VPS54: variants seen among roughly 807,000 people sequenced by gnomAD.
The protein encoded by VPS54 is vacuolar protein sorting-associated protein 54.
Under a neutral mutation model 121.5 loss-of-function variants are expected in VPS54, and 45 were observed. The observed-to-expected ratio is 0.37, with a 90% CI of 0.29 to 0.47. The LOEUF is 0.47. VPS54 is among the 20% of genes least tolerant of loss of function. The pLI, the probability that VPS54 is intolerant of heterozygous loss-of-function variation, is 0.99. For synonymous variants in VPS54, 371 were observed against 385.8 expected (o/e 0.96, Z 0.45); for missense variants, 1,090 against 1,131.4 (o/e 0.96, Z 0.52).
intron 6 of VPS54, among the ~76,000 whole-genome samples, chr2:63,963,912 T>C (rs1340248193): frequency 6.6e-6 from 1 of 152,146 alleles, no homozygotes; most frequent in East Asian, 1.9e-4. Context: ...AAATAAAGAA[T>C]TTTGCTAGAA....
At chr2:63,964,759 C>A (rs533081964) in intron 6 of VPS54, among the ~76,000 whole-genome samples, 6 of 152,288 alleles carry the variant, frequency 3.9e-5, no homozygotes, top group Admixed American at 3.9e-4. Flanking sequence ...AGGACTGAAC[C>A]TGATATTATT....
At chr2:63,896,227 G>A (rs900652917) in intron 22 of VPS54, among the ~76,000 whole-genome samples, 66 of 152,272 alleles carry the variant, frequency 4.3e-4, no homozygotes, top group African/African-American at 1.5e-3. Context: ...TTCTTAGGTG[G>A]GGTTCAGGTA....
chr2:63,965,811 T>A lies in VPS54; in HGVS notation c.624+24A>T, dbSNP rs752556354. 8.1e-6 allele frequency: 13 copies of A among 1,608,302 alleles called. No individual in the cohort carries two copies. The Admixed American group carries it at 1.5e-4, about 19-fold the overall frequency. On this transcript the variant is annotated intron_variant, in intron 6 of 22. Coordinates refer to ENST00000272322, the MANE Select transcript of VPS54 (RefSeq NM_016516.3). ...CGCTTAACTAGAATAGTTTCCTACA[T>A]GGAAAAAGTCAAAAAGAAATTACCT...
intron 22 of VPS54, among the ~76,000 whole-genome samples, chr2:63,897,186 A>C (rs1161989426): frequency 2.0e-5 from 3 of 152,236 alleles, no homozygotes; most frequent in African/African-American, 7.2e-5. Flanking sequence ...ACATGGTCAC[A>C]CAGTAGGACT....
intron 5 of VPS54, among the ~76,000 whole-genome samples, chr2:63,967,809 T>C (rs991039205): frequency 6.6e-6 from 1 of 151,522 alleles, no homozygotes; most frequent in African/African-American, 2.4e-5. Context: ...GATAAAATGT[T>C]ATGGGAATTT....
intron 9 of VPS54, 39 bp downstream of exon 9, chr2:63,947,344 T>C: frequency 6.7e-7 from 1 of 1,483,888 alleles, no homozygotes; most frequent in Non-Finnish European, 9.1e-7. Flanking sequence ...TTCACAAAGG[T>C]TCCAGACCAA....
chr2:63,898,273 A>T (rs1468945433), intron 21 of VPS54, among the ~76,000 whole-genome samples: 1 of 152,178 alleles, frequency 6.6e-6, no homozygotes, highest in Non-Finnish European at 1.5e-5. Flanking sequence ...ATTAGAACTC[A>T]GATGGCAAAT....
chr2:63,916,803 C>A, intron 16 of VPS54, 97 bp downstream of exon 16: 1 of 1,189,748 alleles, frequency 8.4e-7, no homozygotes, highest in Admixed American at 1.8e-5. Flanking sequence ...ACTGTTAAAA[C>A]TGTTAATCCA....
At chr2:63,975,802 T>C (rs1676497472) in intron 3 of VPS54, among the ~76,000 whole-genome samples, 1 of 152,208 alleles carries the variant, frequency 6.6e-6, no homozygotes, top group Non-Finnish European at 1.5e-5. Context: ...TCATTCTCTA[T>C]TGAAATTCCC....
intron 3 of VPS54, among the ~76,000 whole-genome samples, 192 bp downstream of exon 3, chr2:63,981,454 T>C (rs1039670691): frequency 2.0e-5 from 3 of 152,150 alleles, no homozygotes; most frequent in African/African-American, 7.2e-5. Context: ...GAAAAATCAC[T>C]ACTGTAAGAG....
intron 1 of VPS54, among the ~76,000 whole-genome samples, chr2:64,000,972 G>A (rs1054921770): frequency 6.6e-6 from 1 of 152,224 alleles, no homozygotes; most frequent in Non-Finnish European, 1.5e-5. Context: ...GACAGCAAGT[G>A]CCCCCAAGTC....
chr2:64,014,192 TAGAAA>T (rs1470565251), intron 1 of VPS54, among the ~76,000 whole-genome samples: 68 of 152,142 alleles, frequency 4.5e-4, no homozygotes, highest in African/African-American at 1.6e-3. Context: ...CTTCAGATAA[TAGAAA>T]AACCCTTCAA....
chr2:63,967,294 A>G (rs1242379761), intron 5 of VPS54, among the ~76,000 whole-genome samples: 2 of 152,202 alleles, frequency 1.3e-5, no homozygotes, highest in Non-Finnish European at 1.5e-5. Flanking sequence ...TATTATAACT[A>G]AAAGTATTGA....
intron 12 of VPS54, among the ~76,000 whole-genome samples, chr2:63,929,954 C>A (rs1558999447): frequency 6.6e-6 from 1 of 152,138 alleles, no homozygotes; most frequent in African/African-American, 2.4e-5. Flanking sequence ...CCTCCCAAGA[C>A]TAAACCAGGA....
intron 11 of VPS54, among the ~76,000 whole-genome samples, chr2:63,940,882 C>A (rs1674693191): frequency 6.6e-6 from 1 of 152,176 alleles, no homozygotes. Context: ...CCTATAGATA[C>A]AAGTTTGTGT....
intron 1 of VPS54, among the ~76,000 whole-genome samples, chr2:64,005,126 C>T (rs1323902398): frequency 9.0e-4 from 43 of 47,960 alleles, no homozygotes; most frequent in East Asian, 6.4e-3. Flanking sequence ...TTTTTTGAGA[C>T]GGAGTCCCGC....
rs756745185 is a variant in VPS54 at position 63,962,208 on chromosome 2, T to C, written c.860A>G (p.Tyr287Cys). The change falls in exon 7 of 23, where the codon TAC becomes TGC. Residue 287 changes from tyrosine (Y) to cysteine (C), a missense_variant. By Grantham distance (194) the Tyr-to-Cys change is radical. Around this residue, in one of 2 missense-constraint regions of VPS54, gnomAD observed 801 missense variants for 757.0 expected, o/e 1.06. Transcript: ENST00000272322. ...ALTRNNCVKVYNKLKLMATVH... is the reference protein window; with the variant it reads ...ALTRNNCVKVCNKLKLMATVH... Reference sequence around the variant, plus strand: ...AGTGGCCATTAACTTCAGCTTATTGTATACTTTAACACAATTATTTCTGGT... The same window carrying C: ...AGTGGCCATTAACTTCAGCTTATTGCATACTTTAACACAATTATTTCTGGT... 6.2e-7 allele frequency: 1 copy of C among 1,614,040 alleles called. No individual in the cohort carries two copies. The highest frequency in any genetic ancestry group is 8.5e-7 in the Non-Finnish European group (1 of 1,179,916).
chr2:63,971,924 C>T (rs1425569092), intron 4 of VPS54, among the ~76,000 whole-genome samples: 1 of 152,112 alleles, frequency 6.6e-6, no homozygotes, highest in Admixed American at 6.5e-5. Flanking sequence ...TATTTTTAAG[C>T]AACAAGGAAC....
At chr2:64,000,598 C>T (rs1191791430) in intron 1 of VPS54, among the ~76,000 whole-genome samples, 1 of 152,232 alleles carries the variant, frequency 6.6e-6, no homozygotes, top group African/African-American at 2.4e-5. Context: ...TTAGGGGGCA[C>T]CCCAAGCCCA....
Sources: gnomAD v4.1 joint callset for allele counts (sites outside exome capture counted in the v4.1 genomes callset) on GRCh38, gnomAD v4.1.1 for gene constraint, gnomAD v4.1.1 regional missense constraint, MANE v1.5 for transcripts, NCBI Gene and HGNC (gene_info 2026-07-23, HGNC 2026-07-21) for gene names.